MORC2: variants seen among roughly 807,000 people sequenced by gnomAD.
MORC2 encodes the protein MORC family CW-type zinc finger 2, also known as ATPase MORC2.
MORC2 carries 30 observed loss-of-function variants against 136.0 expected under a neutral mutation model. The ratio of observed to expected loss-of-function variants is 0.22; its 90% CI spans 0.17 to 0.30. The LOEUF (loss-of-function observed/expected upper bound fraction) is 0.30. MORC2 is among the 10% of genes least tolerant of loss of function. The pLI is 1.00. For synonymous variants in MORC2, 439 were observed against 487.0 expected, an observed-to-expected ratio of 0.90 and a Z score of 1.30; for missense variants, 922 against 1,333.1, an observed-to-expected ratio of 0.69 and a Z score of 4.80.
At chr22:30,947,664 C>G (rs2040838057) in intron 5 of MORC2, among the ~76,000 whole-genome samples, 1 of 152,158 alleles carries the variant, frequency 6.6e-6, no homozygotes, top group African/African-American at 2.4e-5. Context: ...ACCCAAAGTG[C>G]TGGCAATGCT....
Position 30,932,966 on chromosome 22 carries a change from C to T in MORC2, c.2445G>A (p.Val815=). ...REWYTGRVTA[V]EVGKHVVRWK... is the part of the protein sequence containing the mutation. The stretch of plus-strand genomic sequence containing the variant: ...ACCGCACCACATGCTTGCCCACCTC[C>T]ACGGCTGTGACACGGCCCGTGTACC... Residue 815 remains valine (V), a synonymous_variant, in exon 22 of 26, where the codon GTG becomes GTA. Transcript: ENST00000397641. This position sits in a 1 kb window ranked among gnomAD's most constrained non-coding sequence, Gnocchi z 4.4. 6.2e-7 allele frequency: 1 copy of T among 1,614,172 alleles called. No homozygotes were observed. Among genetic ancestry groups the T allele is most frequent in the Non-Finnish European group, 8.5e-7 (1 of 1,180,024 alleles).
chr22:30,967,755 A>G (rs1486499276), intron 1 of MORC2, 67 bp downstream of exon 1: 2 of 1,544,182 alleles, frequency 1.3e-6, no homozygotes, highest in Non-Finnish European at 1.7e-6. Flanking sequence ...TTTCTGGGGA[A>G]ACGATTTCCA....
chr22:30,937,490 T>C lies in MORC2; in HGVS notation c.1498+93A>G. On this transcript the variant is annotated intron_variant, in intron 15 of 25. Coordinates refer to ENST00000397641, the MANE Select transcript of MORC2 (RefSeq NM_001303256.3). The surrounding 1 kb of genome is among the most constrained non-coding windows in gnomAD (Gnocchi z 4.7). ...CCCTAGGGGACTGTAAGTCCATGAA[T>C]GTCAGTCAAGTTAGGAGGCTGGCAG... 2.6e-6 allele frequency: 4 copies of C among 1,538,066 alleles called. No individual in the cohort carries two copies. Among genetic ancestry groups the C allele is most frequent in the Non-Finnish European group, 3.5e-6 (4 of 1,141,198 alleles).
In MORC2 at chr22:30,926,643, G is replaced by A; in HGVS notation, c.*160C>T. On this transcript the variant is annotated 3_prime_UTR_variant, in exon 26 of 26. Coordinates refer to ENST00000397641, the MANE Select transcript of MORC2 (RefSeq NM_001303256.3). Reference sequence around the variant, plus strand: ...AAAAAATAAATATTTATAAACTTAAGGAAGATTCAAAGAATCAGGGTATCT... The same window carrying A: ...AAAAAATAAATATTTATAAACTTAAAGAAGATTCAAAGAATCAGGGTATCT... The A allele has an allele frequency of 3.3e-6, 1 of 301,236 alleles. No individual in the cohort carries two copies. Among genetic ancestry groups the A allele is most frequent in the Non-Finnish European group, 6.0e-6 (1 of 165,556 alleles). 18.7% of individuals were successfully genotyped at this position (301,236 alleles called of 1,614,324 possible). A position where few individuals can be genotyped will look rare whatever the true frequency, so the allele number is the denominator to read the frequency against.
In MORC2 at chr22:30,949,841, A is replaced by G; in HGVS notation, c.228T>C (p.Ser76=). The part of the protein sequence containing the change: ...FLDDGAGMDP[S]DAASVIQFGK... ...CAAACTGGATCACACTGGCAGCATC[A>G]CCTGAAAGGGCAGACACAAGAGAAA... The change falls in exon 5 of 26, where the codon AGT becomes AGC. Residue 76 remains serine, a splice_region_variant and synonymous_variant. Transcript: ENST00000397641. 1 of 1,614,000 alleles carries G rather than the reference A, an allele frequency of 6.2e-7. No individual in the cohort carries two copies. Among genetic ancestry groups the G allele is most frequent in the Non-Finnish European group, 8.5e-7 (1 of 1,179,922 alleles).
chr22:30,947,872 C>G (rs2040841070), intron 5 of MORC2, among the ~76,000 whole-genome samples: 1 of 152,200 alleles, frequency 6.6e-6, no homozygotes, highest in African/African-American at 2.4e-5. Flanking sequence ...CCAAATATCA[C>G]TTCTCTAACT....
intron 1 of MORC2, among the ~76,000 whole-genome samples, chr22:30,965,307 T>C (rs76440673): frequency 0.026 from 3,943 of 152,322 alleles, 160 homozygotes; most frequent in African/African-American, 0.088. Context: ...AGACAAATCT[T>C]CCCTTCTCTG....
intron 25 of MORC2, among the ~76,000 whole-genome samples, chr22:30,927,610 G>A (rs1465771009): frequency 6.6e-6 from 1 of 152,150 alleles, no homozygotes; most frequent in East Asian, 1.9e-4. Flanking sequence ...ACCTTCTCTG[G>A]CTTGTCTTGT....
intron 12 of MORC2, 56 bp downstream of exon 12, chr22:30,939,565 A>C (rs1200784129): frequency 3.2e-6 from 5 of 1,554,624 alleles, no homozygotes; most frequent in Non-Finnish European, 4.4e-6. Context: ...ACCTGTCAAT[A>C]ATCAGTCCAA....
intron 4 of MORC2, 40 bp downstream of exon 4, chr22:30,950,337 G>GCGGGGCC (rs2147286135): frequency 7.9e-6 from 6 of 761,738 alleles, no homozygotes; most frequent in Non-Finnish European, 1.2e-5. Context: ...TGGTTACATC[G>GCGGGGCC]CACCCCCCCA....
At chr22:30,938,578 AT>A (rs1337662860) in intron 12 of MORC2, among the ~76,000 whole-genome samples, 1 of 151,596 alleles carries the variant, frequency 6.6e-6, no homozygotes, top group Non-Finnish European at 1.5e-5. Flanking sequence ...AATTATTATA[AT>A]TTTTTTTTGA....
At position 30,935,305 on chromosome 22, in the gene MORC2, G is replaced by A. The variant is rs748124733; in HGVS notation, c.1755C>T (p.Arg585=). ...GCAATTTCTTCAGGTCTGCTTGGGA[G>A]CGGATGGGTGTGGTTTTCTGCAAGG... ...LEALQKTTPI[R]SQADLKKLPL... is the part of the protein sequence containing the mutation. The change falls in exon 18 of 26, where the codon CGC becomes CGT. Residue 585 remains arginine (R), a synonymous_variant. Coordinates refer to ENST00000397641, the MANE Select transcript of MORC2 (RefSeq NM_001303256.3). The A allele has an allele frequency of 9.9e-6, 16 of 1,613,748 alleles. No individual in the cohort carries two copies. Among genetic ancestry groups the A allele is most frequent in the Admixed American group, 1.7e-5 (1 of 59,970 alleles).
At position 30,968,071 on chromosome 22, in the gene MORC2, A is replaced by G. The variant is rs896824301; in HGVS notation, c.-182T>C. ...AGATGTTTAAAACTACAATTTCTTC[A>G]AGTGTTTTTTTTTAATCTTCTCAAT... On this transcript the variant is annotated 5_prime_UTR_variant, in exon 1 of 26. Coordinates refer to ENST00000397641, the MANE Select transcript of MORC2 (RefSeq NM_001303256.3). 1.8e-6 allele frequency: 1 copy of G among 562,346 alleles called. No individual in the cohort carries two copies. Among genetic ancestry groups the G allele is most frequent in the Non-Finnish European group, 3.2e-6 (1 of 316,124 alleles). The allele number at this position is 562,346 out of a possible 1,614,324, so 34.8% of individuals were successfully genotyped here.
intron 1 of MORC2, among the ~76,000 whole-genome samples, chr22:30,959,846 C>G (rs899589157): frequency 1.3e-5 from 2 of 152,182 alleles, no homozygotes; most frequent in African/African-American, 4.8e-5. Context: ...GATCTCTGAT[C>G]GCTTACCATA....
intron 5 of MORC2, among the ~76,000 whole-genome samples, chr22:30,947,756 T>C (rs940552594): frequency 6.6e-6 from 1 of 152,186 alleles, no homozygotes; most frequent in East Asian, 1.9e-4. Context: ...TTATCTTGCC[T>C]TCTGTCAAAG....
rs373442626 is a variant in MORC2 at position 30,934,518 on chromosome 22, C to T, written c.2193+263G>A. On this transcript the variant is annotated intron_variant, in intron 19 of 25. Coordinates refer to ENST00000397641, the MANE Select transcript of MORC2 (RefSeq NM_001303256.3). This position sits in a 1 kb window ranked among gnomAD's most constrained non-coding sequence, Gnocchi z 4.4. ...AGATGACTGACCTAAGCCCACACTT[C>T]GAGAGCCAGTGGAGGTGACTCAAGT... Among the ~76,000 whole-genome samples, 11 of 152,262 alleles carry T rather than the reference C, an allele frequency of 7.2e-5. No individual in the cohort carries two copies. In the South Asian group the frequency reaches 1.2e-3, roughly 17 times the overall value.
chr22:30,967,182 A>G, intron 1 of MORC2: 1 of 985,496 alleles, frequency 1.0e-6, no homozygotes, highest in East Asian at 1.1e-4. Flanking sequence ...ACCATGTTGG[A>G]GTGATTAGAT....
chr22:30,960,549 C>T (rs144222058), intron 1 of MORC2, among the ~76,000 whole-genome samples: 38 of 151,516 alleles, frequency 2.5e-4, no homozygotes, highest in African/African-American at 7.8e-4. Context: ...AGTGCAATGG[C>T]GCAATCTCCG....
Position 30,936,929 on chromosome 22 carries a change from C to A in MORC2, c.1604+3G>T. ...CAATCCCCTTGTTAGACAATGTGCTCACCGGTCCTGTTCAGGATCAGGGTT... is the reference window on the plus strand; with the variant it reads ...CAATCCCCTTGTTAGACAATGTGCTAACCGGTCCTGTTCAGGATCAGGGTT... On this transcript the variant is annotated splice_donor_region_variant and intron_variant, in intron 16 of 25. Transcript: ENST00000397641. The A allele has an allele frequency of 1.2e-6, 2 of 1,611,814 alleles. No individual in the cohort carries two copies. The highest frequency in any genetic ancestry group is 1.1e-5 in the South Asian group (1 of 90,976).
Sources: gnomAD v4.1 joint callset for allele counts (sites outside exome capture counted in the v4.1 genomes callset) on GRCh38, gnomAD v4.1.1 for gene constraint, Gnocchi (gnomAD v3.1) non-coding constraint, MANE v1.5 for transcripts, NCBI Gene and HGNC (gene_info 2026-07-23, HGNC 2026-07-21) for gene names.